The following CSMD3 variants were observed in gnomAD, a reference collection of about 807,000 sequenced individuals.
CSMD3 encodes CUB and Sushi multiple domains 3.
CSMD3 carries 177 observed loss-of-function variants against 435.2 expected under a neutral mutation model. The ratio of observed to expected loss-of-function variants is 0.41; its 90% CI spans 0.36 to 0.46. The LOEUF is 0.46. Among genes scored for constraint, CSMD3 ranks in the 20% least tolerant of loss-of-function variants. CSMD3 has a pLI of 0.34. For missense variants in CSMD3, 4,265 were observed against 4,504.6 expected (o/e 0.95, Z 1.52); for synonymous variants, 1,656 against 1,520.5 (o/e 1.09, Z -2.07).
At chr8:113,227,744 G>A (rs2093043534) in intron 3 of CSMD3, among the ~76,000 whole-genome samples, 1 of 151,558 alleles carries the variant, frequency 6.6e-6, no homozygotes, top group South Asian at 2.1e-4. Flanking sequence ...TGTTTTCTGA[G>A]GCCACCCCAG....
At chr8:112,588,980 A>G (rs1051465561) in intron 22 of CSMD3, among the ~76,000 whole-genome samples, 2 of 152,158 alleles carry the variant, frequency 1.3e-5, no homozygotes, top group Admixed American at 6.6e-5. Context: ...GTGATCTAAA[A>G]TGCACATATA....
At chr8:112,801,629 T>A (rs559124590) in intron 12 of CSMD3, among the ~76,000 whole-genome samples, 1 of 152,076 alleles carries the variant, frequency 6.6e-6, no homozygotes, top group Non-Finnish European at 1.5e-5. Flanking sequence ...CACATAATCA[T>A]TTGAAACATC....
At chr8:112,451,277 T>C (rs1816235184) in intron 32 of CSMD3, among the ~76,000 whole-genome samples, 2 of 152,266 alleles carry the variant, frequency 1.3e-5, no homozygotes, top group South Asian at 4.1e-4. Context: ...AGTGAATTCT[T>C]TGTATTTTTT....
At chr8:112,702,993 T>A (rs1679445823) in intron 13 of CSMD3, among the ~76,000 whole-genome samples, 1 of 152,152 alleles carries the variant, frequency 6.6e-6, no homozygotes, top group African/African-American at 2.4e-5. Context: ...GCAGGGTTTC[T>A]TAATGATACA....
chr8:112,554,479 CATTT>C (rs1004899278), intron 25 of CSMD3, among the ~76,000 whole-genome samples: 13 of 151,718 alleles, frequency 8.6e-5, no homozygotes, highest in African/African-American at 1.9e-4. Flanking sequence ...CATTTTTCAT[CATTT>C]ATTTATGATT....
chr8:112,537,469 T>TA (rs1826229848), intron 27 of CSMD3, among the ~76,000 whole-genome samples: 1 of 151,770 alleles, frequency 6.6e-6, no homozygotes, highest in Non-Finnish European at 1.5e-5. Context: ...AAAGATAAAC[T>TA]AAATTAACAA....
chr8:112,818,852 C>A (rs1304460158), intron 12 of CSMD3, among the ~76,000 whole-genome samples: 1 of 152,048 alleles, frequency 6.6e-6, no homozygotes, highest in Non-Finnish European at 1.5e-5. Flanking sequence ...ATTTCTAGAG[C>A]CATTTGAAAA....
At chr8:112,955,526 C>G (rs2083983386) in intron 7 of CSMD3, among the ~76,000 whole-genome samples, 1 of 151,678 alleles carries the variant, frequency 6.6e-6, no homozygotes, top group South Asian at 2.1e-4. Flanking sequence ...TGAAAATATT[C>G]CAAATCTTCT....
chr8:113,210,960 T>C (rs2092827723), intron 3 of CSMD3, among the ~76,000 whole-genome samples: 2 of 152,092 alleles, frequency 1.3e-5, no homozygotes, highest in Admixed American at 6.6e-5. Flanking sequence ...TGGATTTGAG[T>C]CCACATTTCA....
intron 31 of CSMD3, among the ~76,000 whole-genome samples, chr8:112,481,304 A>G (rs7823551): frequency 0.02 from 2,989 of 152,324 alleles, 95 homozygotes; most frequent in African/African-American, 0.068. Context: ...GAGAAATGCT[A>G]CTTGAATGTT....
chr8:113,355,770 GGTGT>G (rs368397249), intron 1 of CSMD3, among the ~76,000 whole-genome samples: 6 of 10,374 alleles, frequency 5.8e-4, no homozygotes, highest in Non-Finnish European at 1.2e-3. Context: ...ACACACACGG[GGTGT>G]GTGTGTGTGT....
chr8:112,885,421 A>T (rs2130258978), intron 10 of CSMD3, among the ~76,000 whole-genome samples: 1 of 151,718 alleles, frequency 6.6e-6, no homozygotes, highest in East Asian at 2.0e-4. Flanking sequence ...ACTATAGTTG[A>T]TGAACTAATG....
chr8:113,127,998 T>C (rs1481678848), intron 4 of CSMD3, among the ~76,000 whole-genome samples: 1 of 152,128 alleles, frequency 6.6e-6, no homozygotes, highest in East Asian at 1.9e-4. Flanking sequence ...TTGGGAAAGT[T>C]CTCTATTATC....
chr8:112,337,575 C>T lies in CSMD3; in HGVS notation c.6809G>A (p.Arg2270His), dbSNP rs1327551224. 4 of 1,613,706 alleles carry T rather than the reference C, an allele frequency of 2.5e-6. No individual in the cohort carries two copies. Among genetic ancestry groups the T allele is most frequent in the South Asian group, 1.1e-5 (1 of 91,076 alleles). ...CCTTGGAAGTGGATGATTCCAATTA[C>T]GACTGACTCCGTGAAGGCATGTGAG... ...SALTCLHGVSRNWNHPLPRCE... is the reference protein window; with the variant it reads ...SALTCLHGVSHNWNHPLPRCE... Residue 2270 changes from arginine to histidine, a missense_variant, in exon 43 of 71, where the codon CGT (arginine) becomes CAT (histidine). Transcript: ENST00000297405.
chr8:113,223,151 T>C (rs2092989148), intron 3 of CSMD3, among the ~76,000 whole-genome samples: 1 of 150,742 alleles, frequency 6.6e-6, no homozygotes, highest in Non-Finnish European at 1.5e-5. Flanking sequence ...ATTAATAAAT[T>C]AATATTATTT....
intron 13 of CSMD3, among the ~76,000 whole-genome samples, chr8:112,760,239 G>A (rs938710176): frequency 1.3e-5 from 2 of 152,132 alleles, no homozygotes; most frequent in African/African-American, 4.8e-5. Context: ...AAAGTGAGAT[G>A]AATTAATATG....
At chr8:112,819,371 T>A (rs927873199) in intron 12 of CSMD3, among the ~76,000 whole-genome samples, 1 of 152,120 alleles carries the variant, frequency 6.6e-6, no homozygotes, top group Admixed American at 6.6e-5. Flanking sequence ...GACTTTCCAA[T>A]TCCTCCACAT....
At chr8:113,357,640 G>GC (rs1040919749) in intron 1 of CSMD3, among the ~76,000 whole-genome samples, 3 of 152,102 alleles carry the variant, frequency 2.0e-5, no homozygotes, top group African/African-American at 7.2e-5. Context: ...TTTGGCTTGT[G>GC]CCCCCACCCA....
chr8:112,599,894 A>G (rs1832160018), intron 22 of CSMD3, among the ~76,000 whole-genome samples: 1 of 142,230 alleles, frequency 7.0e-6, no homozygotes, highest in African/African-American at 2.6e-5. Flanking sequence ...GGGGAGGGAT[A>G]GCATTGGGAG....
Sources: allele counts gnomAD v4.1 joint callset (sites outside exome capture counted in the v4.1 genomes callset), GRCh38; gene constraint gnomAD v4.1.1; transcripts MANE v1.5; gene names NCBI Gene and HGNC (gene_info 2026-07-23, HGNC 2026-07-21).